The following MOXD1 variants were observed in gnomAD, a reference collection of about 807,000 sequenced individuals.
The protein encoded by MOXD1 is monooxygenase DBH like 1.
MOXD1 carries 62 observed loss-of-function variants against 66.6 expected under a neutral mutation model. That is an observed-to-expected ratio of 0.93 (90% confidence interval 0.76 to 1.15). The LOEUF (loss-of-function observed/expected upper bound fraction) is 1.15. Among genes scored for constraint, MOXD1 ranks in the 50% most tolerant of loss-of-function variants. MOXD1 has a pLI of 0.00. For synonymous variants in MOXD1, 303 were observed against 281.9 expected, an observed-to-expected ratio of 1.07 and a Z score of -0.75; for missense variants, 847 against 754.6, an observed-to-expected ratio of 1.12 and a Z score of -1.44.
At chr6:132,308,101 A>AT (rs1234742188) in intron 10 of MOXD1, among the ~76,000 whole-genome samples, 3 of 151,940 alleles carry the variant, frequency 2.0e-5, no homozygotes, top group African/African-American at 7.2e-5. Flanking sequence ...AAAAAAAAAA[A>AT]ATAACAAAAT....
intron 1 of MOXD1, among the ~76,000 whole-genome samples, chr6:132,386,035 G>A (rs1404622202): frequency 1.3e-5 from 2 of 148,420 alleles, no homozygotes; most frequent in African/African-American, 5.0e-5. Flanking sequence ...CCCAGGAGGC[G>A]TAGCTTGCAG....
At chr6:132,329,900 A>T (rs920331389) in intron 4 of MOXD1, among the ~76,000 whole-genome samples, 2 of 152,200 alleles carry the variant, frequency 1.3e-5, no homozygotes, top group African/African-American at 4.8e-5. Context: ...ACACTGCTCA[A>T]ATTAAAAGAG....
At chr6:132,297,688 C>T in intron 11 of MOXD1, 99 bp downstream of exon 11, 2 of 1,389,512 alleles carry the variant, frequency 1.4e-6, no homozygotes, top group Non-Finnish European at 1.9e-6. Flanking sequence ...GGCAACTGGA[C>T]CCCTGGATTT....
intron 10 of MOXD1, among the ~76,000 whole-genome samples, chr6:132,312,600 T>C (rs1271389716): frequency 8.0e-5 from 4 of 50,190 alleles, no homozygotes; most frequent in African/African-American, 4.0e-4. Context: ...GTTTTGTCCT[T>C]TTTTTTTTTC....
chr6:132,388,096 C>T (rs538477933), intron 1 of MOXD1, among the ~76,000 whole-genome samples: 1 of 151,426 alleles, frequency 6.6e-6, no homozygotes, highest in East Asian at 1.9e-4. Context: ...TAGTGGAGAC[C>T]TTTCCCCTAA....
intron 9 of MOXD1, among the ~76,000 whole-genome samples, chr6:132,317,030 G>A (rs2114560104): frequency 6.6e-6 from 1 of 151,980 alleles, no homozygotes; most frequent in East Asian, 1.9e-4. Flanking sequence ...AATCTTGAAA[G>A]GAGCAAGAGA....
At chr6:132,354,456 G>A (rs1775868850) in intron 4 of MOXD1, among the ~76,000 whole-genome samples, 3 of 152,208 alleles carry the variant, frequency 2.0e-5, no homozygotes, top group South Asian at 2.1e-4. Context: ...AGTCTACCAG[G>A]CTCCAGGCTG....
intron 1 of MOXD1, among the ~76,000 whole-genome samples, chr6:132,376,606 C>T (rs1228160170): frequency 2.0e-5 from 2 of 97,990 alleles, no homozygotes; most frequent in Non-Finnish European, 3.4e-5. Context: ...CTCCGCCTCC[C>T]GGGTTCACGC....
intron 10 of MOXD1, among the ~76,000 whole-genome samples, chr6:132,303,806 C>CGTGTGTGTGTGTGTGTGT (rs1562276293): frequency 2.2e-5 from 2 of 91,330 alleles, no homozygotes; most frequent in South Asian, 9.9e-4. Context: ...TATACACACA[C>CGTGTGTGTGTGTGTGTGT]ATGTGTGTGT....
intron 1 of MOXD1, among the ~76,000 whole-genome samples, chr6:132,382,738 A>G (rs1387518857): frequency 6.6e-6 from 1 of 152,190 alleles, no homozygotes; most frequent in East Asian, 1.9e-4. Flanking sequence ...TGTAGCAACA[A>G]TAACAGAAAT....
intron 1 of MOXD1, among the ~76,000 whole-genome samples, chr6:132,383,569 C>T (rs1209858126): frequency 1.3e-5 from 2 of 152,172 alleles, no homozygotes; most frequent in African/African-American, 4.8e-5. Flanking sequence ...AATTTTCTCC[C>T]ATGCCAACTG....
At chr6:132,327,500 T>C (rs1456796357) in intron 6 of MOXD1, among the ~76,000 whole-genome samples, 1 of 152,214 alleles carries the variant, frequency 6.6e-6, no homozygotes, top group African/African-American at 2.4e-5. Flanking sequence ...ATCATACAAA[T>C]GATTTCAGAA....
At chr6:132,303,565 A>G (rs1465083802) in intron 10 of MOXD1, among the ~76,000 whole-genome samples, 1 of 151,668 alleles carries the variant, frequency 6.6e-6, no homozygotes, top group Non-Finnish European at 1.5e-5. Context: ...CTGTATTGTT[A>G]AGGAATGATG....
intron 10 of MOXD1, among the ~76,000 whole-genome samples, chr6:132,312,062 G>A (rs1235116865): frequency 6.6e-6 from 1 of 151,740 alleles, no homozygotes; most frequent in Non-Finnish European, 1.5e-5. Context: ...GTACAACAGG[G>A]AATACACAAT....
chr6:132,372,918 C>T lies in MOXD1; in HGVS notation c.491G>A (p.Arg164Lys), dbSNP rs774838076. ...EAGPKYHDSN[R>K]GTKSLRLLNP... The stretch of plus-strand genomic sequence containing the variant: ...CAATAACCGCAAACTCTTGGTGCCC[C>T]TATTGGAGTCATGGTACTTGGGACC... Residue 164 changes from arginine (R) to lysine (K), a missense_variant, in exon 3 of 12, where the codon AGG (arginine) becomes AAG (lysine). Transcript: ENST00000367963. The T allele has an allele frequency of 1.9e-6, 3 of 1,613,890 alleles. No homozygotes were observed. The highest frequency in any genetic ancestry group is 2.2e-5 in the East Asian group (1 of 44,888).
chr6:132,366,948 A>G (rs1776161036), intron 4 of MOXD1, among the ~76,000 whole-genome samples: 1 of 152,062 alleles, frequency 6.6e-6, no homozygotes, highest in South Asian at 2.1e-4. Context: ...GTTCTAGGAA[A>G]CACTCCCCAA....
intron 9 of MOXD1, among the ~76,000 whole-genome samples, chr6:132,319,470 T>A (rs377218934): frequency 5.9e-5 from 9 of 152,162 alleles, no homozygotes; most frequent in Admixed American, 3.3e-4. Flanking sequence ...CAAACACATC[T>A]AGTGTTAGAT....
chr6:132,316,588 A>G (rs778818422), intron 9 of MOXD1, among the ~76,000 whole-genome samples: 1 of 152,138 alleles, frequency 6.6e-6, no homozygotes, highest in South Asian at 2.1e-4. Context: ...TAGAGCTGAG[A>G]GGTACCAAAA....
chr6:132,297,946 A>T lies in MOXD1; in HGVS notation c.1518T>A (p.Pro506=), dbSNP rs1485961324. Residue 506 remains proline (P), a synonymous_variant, in exon 11 of 12, where the codon CCT becomes CCA. Coordinates refer to ENST00000367963, the MANE Select transcript of MOXD1 (RefSeq NM_015529.4). ...ATTGCTTGGGACTTTTGATAATGAA[A>T]GGCCAGGTCCTGAATTTAAAAGACA... ...KEIYRPVTTW[P]FIIKSPKQYK... is the part of the protein sequence containing the mutation. 2 of 1,608,190 alleles carry T rather than the reference A, an allele frequency of 1.2e-6. No individual in the cohort carries two copies. The highest frequency in any genetic ancestry group is 1.7e-6 in the Non-Finnish European group (2 of 1,178,104).
Sources: gnomAD v4.1 joint callset for allele counts (sites outside exome capture counted in the v4.1 genomes callset) on GRCh38, gnomAD v4.1.1 for gene constraint, MANE v1.5 for transcripts, NCBI Gene and HGNC (gene_info 2026-07-23, HGNC 2026-07-21) for gene names.